The following UBP1 variants were observed in gnomAD, a reference collection of about 807,000 sequenced individuals.
UBP1 encodes the protein upstream binding protein 1, also known as upstream-binding protein 1.
Under a neutral mutation model 76.1 loss-of-function variants are expected in UBP1, and 22 were observed. That is an observed-to-expected ratio of 0.29 (90% CI 0.21 to 0.41). UBP1 has a LOEUF of 0.41. Ranked by LOEUF, UBP1 falls within the 10% of genes least tolerant of loss-of-function variation. The probability of loss-of-function intolerance (pLI) is 1.00; values close to 1 mark genes in which losing one functional copy is unlikely to be tolerated. For synonymous variants in UBP1, 224 were observed against 237.1 expected (o/e 0.94, Z 0.51); for missense variants, 436 against 668.1 (o/e 0.65, Z 3.83).
chr3:33,437,554 T>C (rs1412033718), intron 1 of UBP1, among the ~76,000 whole-genome samples: 2 of 152,242 alleles, frequency 1.3e-5, no homozygotes, highest in Admixed American at 6.5e-5. Context: ...GCAAATACAG[T>C]AAGCATGTTT....
chr3:33,396,094 A>G, intron 13 of UBP1, 68 bp downstream of exon 13: 2 of 1,398,828 alleles, frequency 1.4e-6, no homozygotes, highest in Non-Finnish European at 2.0e-6. Context: ...AGCCTGCTCA[A>G]TCGAGTCCTT....
chr3:33,394,817 G>GTTTTTTTTTTTTTTTTTTTT (rs76142927), intron 13 of UBP1, among the ~76,000 whole-genome samples: 1 of 110,444 alleles, frequency 9.1e-6, no homozygotes, highest in Non-Finnish European at 2.1e-5. Flanking sequence ...CCCTCCACTT[G>GTTTTTTTTTTTTTTTTTTTT]TTTTTTTTTT....
chr3:33,435,061 T>C (rs1295369541), intron 1 of UBP1, among the ~76,000 whole-genome samples: 1 of 152,230 alleles, frequency 6.6e-6, no homozygotes, highest in Non-Finnish European at 1.5e-5. Context: ...CTAAAATATT[T>C]ACTACCTAGC....
At chr3:33,417,638 G>A (rs2044763462) in intron 2 of UBP1, among the ~76,000 whole-genome samples, 1 of 152,018 alleles carries the variant, frequency 6.6e-6, no homozygotes, top group Non-Finnish European at 1.5e-5. Flanking sequence ...AGATAATTAG[G>A]AAAATGCTGC....
chr3:33,428,474 T>TA (rs139300202), intron 1 of UBP1, among the ~76,000 whole-genome samples: 59,365 of 151,424 alleles, frequency 0.39, 12,785 homozygotes, highest in East Asian at 0.6. Flanking sequence ...AATGGCTTTT[T>TA]TTAATAAATT....
intron 14 of UBP1, 161 bp from the exon 15 acceptor site, chr3:33,392,775 T>G: frequency 1.6e-6 from 1 of 633,256 alleles, no homozygotes; most frequent in East Asian, 2.9e-5. Flanking sequence ...GCACACGTGC[T>G]GCACTGCCTT....
intron 2 of UBP1, among the ~76,000 whole-genome samples, chr3:33,423,041 G>GT (rs1275397357): frequency 9.5e-5 from 12 of 126,856 alleles, no homozygotes; most frequent in African/African-American, 1.9e-4. Context: ...TCAAAAAAAA[G>GT]TTTGTTTTTT....
At chr3:33,425,874 TTAAGATCAGA>T in intron 1 of UBP1, 133 bp from the exon 2 acceptor site, 1 of 785,408 alleles carries the variant, frequency 1.3e-6, no homozygotes, top group Non-Finnish European at 1.8e-6. Flanking sequence ...AGTTTTTTTT[TTAAGATCAGA>T]AATTATATGT....
At chr3:33,422,141 T>G (rs2044911910) in intron 2 of UBP1, among the ~76,000 whole-genome samples, 1 of 152,214 alleles carries the variant, frequency 6.6e-6, no homozygotes, top group Non-Finnish European at 1.5e-5. Flanking sequence ...TCTTATTACT[T>G]TAAATTAGCA....
chr3:33,406,868 A>G (rs370574652), intron 8 of UBP1, among the ~76,000 whole-genome samples: 1 of 152,220 alleles, frequency 6.6e-6, no homozygotes. Context: ...GAAGACCAAC[A>G]GACACACTAA....
intron 2 of UBP1, among the ~76,000 whole-genome samples, chr3:33,418,030 T>C (rs1206773282): frequency 6.6e-6 from 1 of 152,146 alleles, no homozygotes; most frequent in Non-Finnish European, 1.5e-5. Context: ...AGAGACATTT[T>C]TAAAAAGTTA....
Position 33,408,866 on chromosome 3 carries a change from C to G in UBP1, c.820-69G>C, listed in dbSNP as rs191768116. Reference sequence around the variant, plus strand: ...CAAAGAAAGATCTAACACCCTGTTTCATGTCTCTTCAGTCCAATTAAACAA... The same window carrying G: ...CAAAGAAAGATCTAACACCCTGTTTGATGTCTCTTCAGTCCAATTAAACAA... On this transcript the variant is annotated intron_variant, in intron 7 of 15. Transcript: ENST00000283629. 2.3e-3 allele frequency: 2,964 copies of G among 1,312,596 alleles called. 5 individuals are homozygous for G. The highest frequency in any genetic ancestry group is 2.4e-3 in the Non-Finnish European group (2,228 of 916,468). 81.3% of individuals were successfully genotyped at this position (1,312,596 alleles called of 1,614,324 possible).
rs1182948418 is a variant in UBP1, at chr3:33,396,390, A to AAAAG, written c.1272-111_1272-110insCTTT. On this transcript the variant is annotated intron_variant, in intron 12 of 15. Transcript: ENST00000283629. ...TTCTATTTCCTTATGAGAACTTTAT[A>AAAAG]ATGTTATTTCGTTATACAAAGTAAT... 7.4e-6 allele frequency: 6 copies of AAAAG among 809,242 alleles called. No individual in the cohort carries two copies. The East Asian group carries it at 1.5e-4, about 21-fold the overall frequency. 50.1% of individuals were successfully genotyped at this position (809,242 alleles called of 1,614,324 possible). A position where few individuals can be genotyped will look rare whatever the true frequency, so the allele number is the denominator to read the frequency against.
chr3:33,429,721 A>T (rs2045081921), intron 1 of UBP1, among the ~76,000 whole-genome samples: 1 of 152,194 alleles, frequency 6.6e-6, no homozygotes, highest in African/African-American at 2.4e-5. Flanking sequence ...GCTAAAAAAG[A>T]CTTGGAAATC....
At chr3:33,406,667 G>A (rs766983124) in intron 8 of UBP1, among the ~76,000 whole-genome samples, 10 of 152,162 alleles carry the variant, frequency 6.6e-5, no homozygotes, top group South Asian at 2.1e-4. Flanking sequence ...TCTAACATTC[G>A]AAAAGCAAGC....
chr3:33,439,697 A>G (rs764318369), intron 1 of UBP1, 39 bp downstream of exon 1: 4 of 1,602,818 alleles, frequency 2.5e-6, no homozygotes, highest in South Asian at 2.2e-5. Flanking sequence ...GCCTTCCCCA[A>G]GGAGACAGAG....
rs539642807 is a variant in UBP1, at chr3:33,389,824, T to G, written c.*507A>C. 6.5e-6 allele frequency: 1 copy of G among 154,462 alleles called. No homozygotes were observed. The highest frequency in any genetic ancestry group is 2.4e-5 in the African/African-American group (1 of 41,604). The allele number at this position is 154,462 out of a possible 1,614,324, so 9.6% of individuals were successfully genotyped here. A position where few individuals can be genotyped will look rare whatever the true frequency, so the allele number is the denominator to read the frequency against. On this transcript the variant is annotated 3_prime_UTR_variant, in exon 16 of 16. Coordinates refer to ENST00000283629, the MANE Select transcript of UBP1 (RefSeq NM_014517.5). ...CCAAGAAGGTGCCGAGCCTCTTACCTGACCACCAACGGCCACATCAGCACA... is the reference window on the plus strand; with the variant it reads ...CCAAGAAGGTGCCGAGCCTCTTACCGGACCACCAACGGCCACATCAGCACA...
chr3:33,424,567 C>T (rs889148977), intron 2 of UBP1, among the ~76,000 whole-genome samples: 1 of 152,178 alleles, frequency 6.6e-6, no homozygotes, highest in Non-Finnish European at 1.5e-5. Context: ...TCACATATTT[C>T]CCAGTTTTTC....
chr3:33,392,403 A>AT, intron 15 of UBP1, 160 bp downstream of exon 15: 1 of 631,650 alleles, frequency 1.6e-6, no homozygotes, highest in Non-Finnish European at 2.5e-6. Context: ...TTATATGCTA[A>AT]TTTCTGTTAC....
Sources: gnomAD v4.1 joint callset for allele counts (sites outside exome capture counted in the v4.1 genomes callset) on GRCh38, gnomAD v4.1.1 for gene constraint, MANE v1.5 for transcripts, NCBI Gene and HGNC (gene_info 2026-07-23, HGNC 2026-07-21) for gene names.